Variants in PGR observed in about 807,000 individuals in gnomAD.
PGR encodes progesterone receptor.
PGR carries 25 observed loss-of-function variants against 76.1 expected under a neutral mutation model. The observed-to-expected ratio is 0.33, with a 90% confidence interval of 0.24 to 0.46. The LOEUF is 0.46. PGR is among the 20% of genes least tolerant of loss of function. The pLI, the probability that PGR is intolerant of heterozygous loss-of-function variation, is 1.00. For synonymous variants in PGR, 579 were observed against 535.0 expected, an observed-to-expected ratio of 1.08 and a Z score of -1.14; for missense variants, 1,172 against 1,225.3, an observed-to-expected ratio of 0.96 and a Z score of 0.65.
At chr11:101,051,700 C>T in intron 4 of PGR, 132 bp from the exon 5 acceptor site, 1 of 689,406 alleles carries the variant, frequency 1.5e-6, no homozygotes, top group Non-Finnish European at 2.6e-6. Context: ...ACATATTTTA[C>T]ACTGAAAATC....
In PGR at chr11:101,029,894, C is replaced by T; in HGVS notation, c.*9222G>A. The T allele has an allele frequency of 4.5e-6, 1 of 224,158 alleles. No homozygotes were observed. Among genetic ancestry groups the T allele is most frequent in the Non-Finnish European group, 8.9e-6 (1 of 112,426 alleles). The allele number at this position is 224,158 out of a possible 1,614,324, so 13.9% of individuals were successfully genotyped here. Reference sequence around the variant, plus strand: ...GATGATGATATTAGGTGCCCACTAGCACCTAGTTTTTACAGCTTTGCATTG... The same window carrying T: ...GATGATGATATTAGGTGCCCACTAGTACCTAGTTTTTACAGCTTTGCATTG... On this transcript the variant is annotated 3_prime_UTR_variant, in exon 8 of 8. Coordinates refer to ENST00000325455, the MANE Select transcript of PGR (RefSeq NM_000926.4).
Position 101,030,868 on chromosome 11 carries a change from G to A in PGR, c.*8248C>T, listed in dbSNP as rs3740751. The A allele has an allele frequency of 0.13, 25,617 of 193,736 alleles. 2,971 individuals carry two copies. The highest frequency in any genetic ancestry group is 0.52 in the East Asian group (6,318 of 12,236). 12.0% of individuals were successfully genotyped at this position (193,736 alleles called of 1,614,324 possible). On this transcript the variant is annotated 3_prime_UTR_variant, in exon 8 of 8. Coordinates refer to ENST00000325455, the MANE Select transcript of PGR (RefSeq NM_000926.4). ...AGCACATAGCAAGAGGAAGTGAGAG[G>A]CTTTCATGATTCAGAAGAAGGAAGA...
At chr11:101,104,152 A>G (rs1322209871) in intron 2 of PGR, among the ~76,000 whole-genome samples, 1 of 152,214 alleles carries the variant, frequency 6.6e-6, no homozygotes, top group African/African-American at 2.4e-5. Flanking sequence ...TGATCTCGTA[A>G]AAAAGATACA....
rs776983648 is a variant in PGR at position 101,127,885 on chromosome 11, C to A, written c.1186G>T (p.Ala396Ser). The change falls in exon 1 of 8, where the codon GCC becomes TCC. Residue 396 changes from alanine to serine, a missense_variant. By Grantham distance (99) the Ala-to-Ser change is moderately conservative. Coordinates refer to ENST00000325455, the MANE Select transcript of PGR (RefSeq NM_000926.4). ...TAGGAACGCGGGGAGCGCGCGGAGG[C>A]CTCCGCGCCTTCCTCCTCCTCCTTT... ...KIKEEEEGAE[A>S]SARSPRSYLV... The A allele has an allele frequency of 9.3e-6, 15 of 1,604,350 alleles. No homozygotes were observed. Among genetic ancestry groups the A allele is most frequent in the Non-Finnish European group, 1.3e-5 (15 of 1,178,086 alleles).
At position 101,129,607 on chromosome 11, in the gene PGR, A is replaced by G. The variant is rs1050527333; in HGVS notation, c.-537T>C. On this transcript the variant is annotated 5_prime_UTR_variant, in exon 1 of 8. An upstream start codon of the reference 5' UTR is lost. Transcript: ENST00000325455. ...CTAGTCGGACCTCTCGGTACAGCCCATTCCCAGGAAGGGTCGGACTTCTGC... is the reference window on the plus strand; with the variant it reads ...CTAGTCGGACCTCTCGGTACAGCCCGTTCCCAGGAAGGGTCGGACTTCTGC... 2 of 183,734 alleles carry G rather than the reference A, an allele frequency of 1.1e-5. No homozygotes were observed. The highest frequency in any genetic ancestry group is 1.8e-4 in the East Asian group (2 of 11,170). The allele number at this position is 183,734 out of a possible 1,614,324, so 11.4% of individuals were successfully genotyped here.
At chr11:101,121,051 T>C (rs1862658988) in intron 2 of PGR, among the ~76,000 whole-genome samples, 1 of 152,226 alleles carries the variant, frequency 6.6e-6, no homozygotes, top group African/African-American at 2.4e-5. Context: ...TGAACCCTAA[T>C]GTAAAGTGGT....
Position 101,128,964 on chromosome 11 carries a change from A to T in PGR, c.107T>A (p.Phe36Tyr). 1 of 1,606,120 alleles carries T rather than the reference A, an allele frequency of 6.2e-7. No individual in the cohort carries two copies. Among genetic ancestry groups the T allele is most frequent in the African/African-American group, 1.3e-5 (1 of 74,938 alleles). Residue 36 changes from phenylalanine to tyrosine, a missense_variant, in exon 1 of 8, where the codon TTC becomes TAC. Coordinates refer to ENST00000325455, the MANE Select transcript of PGR (RefSeq NM_000926.4). Reference protein sequence around the residue: ...PLLCRPAAGPFPGSQTSDTLP... With the variant: ...PLLCRPAAGPYPGSQTSDTLP... The stretch of plus-strand genomic sequence containing the variant: ...GGTGTCCGAGGTCTGGCTCCCCGGG[A>T]ACGGACCTGCGGCTGGGCGACACAG...
intron 3 of PGR, among the ~76,000 whole-genome samples, chr11:101,085,713 G>GA (rs1449456652): frequency 6.6e-6 from 1 of 151,408 alleles, no homozygotes; most frequent in Admixed American, 6.6e-5. Flanking sequence ...CATTAACAAA[G>GA]AAAAAAAGAG....
At chr11:101,117,218 C>T (rs1862538690) in intron 2 of PGR, among the ~76,000 whole-genome samples, 1 of 152,116 alleles carries the variant, frequency 6.6e-6, no homozygotes, top group Non-Finnish European at 1.5e-5. Context: ...TATTCCAGTA[C>T]TCAAATTGCT....
chr11:101,040,033 A>T (rs1859645167), intron 7 of PGR, among the ~76,000 whole-genome samples: 1 of 152,074 alleles, frequency 6.6e-6, no homozygotes, highest in African/African-American at 2.4e-5. Context: ...CTCAATTTTT[A>T]GCTAAAGTCA....
chr11:101,107,865 T>TAGAAAAAAAAAA (rs1862215159), intron 2 of PGR, among the ~76,000 whole-genome samples: 1 of 119,290 alleles, frequency 8.4e-6, no homozygotes, highest in African/African-American at 3.3e-5. Context: ...ACTGGCTTTG[T>TAGAAAAAAAAAA]AAAAAAAAAA....
intron 2 of PGR, among the ~76,000 whole-genome samples, chr11:101,123,247 G>A (rs1862733840): frequency 6.6e-6 from 1 of 152,174 alleles, no homozygotes; most frequent in Non-Finnish European, 1.5e-5. Context: ...CACTGGCACA[G>A]AGAAAGCATT....
At chr11:101,084,116 A>G (rs1471638869) in intron 3 of PGR, among the ~76,000 whole-genome samples, 3 of 152,126 alleles carry the variant, frequency 2.0e-5, no homozygotes, top group African/African-American at 7.2e-5. Flanking sequence ...GGTTCTCCCA[A>G]GATATAATGA....
At chr11:101,056,875 G>T (rs1236427003) in intron 4 of PGR, among the ~76,000 whole-genome samples, 1 of 152,150 alleles carries the variant, frequency 6.6e-6, no homozygotes, top group East Asian at 1.9e-4. Flanking sequence ...GCTTCAATAT[G>T]ATTAAGTATA....
In PGR at chr11:101,127,623, G is replaced by C. The variant is rs932041300; in HGVS notation, c.1448C>G (p.Pro483Arg). The C allele has an allele frequency of 2.3e-6, 3 of 1,321,036 alleles. No individual in the cohort carries two copies. The highest frequency in any genetic ancestry group is 1.5e-5 in the African/African-American group (1 of 64,802). The allele number at this position is 1,321,036 out of a possible 1,614,324, so 81.8% of individuals were successfully genotyped here. The change falls in exon 1 of 8, where the codon CCG (proline) becomes CGG (arginine). Residue 483 changes from proline (P) to arginine (R), a missense_variant. This residue lies in a region of PGR where 893 missense variants were observed against 785.9 expected (regional missense o/e 1.14). Transcript: ENST00000325455. ...CGGGAGCAGGCAGCCGCTCGCGCCC[G>C]GCGCCTTGCAGGGCGGCGGCGCGAA... ...GPFAPPPCKA[P>R]GASGCLLPRD...
At chr11:101,075,633 CAAA>C (rs774519726) in intron 3 of PGR, among the ~76,000 whole-genome samples, 1 of 141,386 alleles carries the variant, frequency 7.1e-6, no homozygotes, top group Non-Finnish European at 1.5e-5. Context: ...AAAAAAAAAA[CAAA>C]AAACAACCCC....
intron 2 of PGR, among the ~76,000 whole-genome samples, chr11:101,102,710 A>G (rs552645223): frequency 8.5e-5 from 13 of 152,180 alleles, no homozygotes; most frequent in Non-Finnish European, 1.6e-4. Flanking sequence ...AGACCAATAT[A>G]CTAAGCATTT....
At chr11:101,109,266 G>C (rs1483777614) in intron 2 of PGR, among the ~76,000 whole-genome samples, 1 of 152,146 alleles carries the variant, frequency 6.6e-6, no homozygotes, top group Non-Finnish European at 1.5e-5. Context: ...TTAAAAGCTA[G>C]AAAGATTAAG....
At chr11:101,123,612 A>T (rs929381342) in intron 2 of PGR, among the ~76,000 whole-genome samples, 8 of 152,140 alleles carry the variant, frequency 5.3e-5, no homozygotes, top group Admixed American at 4.6e-4. Context: ...CTCTTCTTTG[A>T]CTGTATACAC....
Sources: gnomAD v4.1 joint callset for allele counts (sites outside exome capture counted in the v4.1 genomes callset) on GRCh38, gnomAD v4.1.1 for gene constraint, gnomAD v4.1.1 regional missense constraint, MANE v1.5 for transcripts, NCBI Gene and HGNC (gene_info 2026-07-23, HGNC 2026-07-21) for gene names.